The following CA8 variants were observed in gnomAD, a reference collection of about 807,000 sequenced individuals.
CA8 encodes carbonic anhydrase 8 (inactive).
Under a neutral mutation model 41.4 loss-of-function variants are expected in CA8, and 22 were observed. The observed-to-expected ratio is 0.53, with a 90% CI of 0.38 to 0.76. CA8 has a LOEUF of 0.76. Among genes scored for constraint, CA8 ranks in the 30% least tolerant of loss-of-function variants. CA8 has a pLI of 0.00. For missense variants in CA8, 270 were observed against 352.8 expected (o/e 0.77, Z 1.88); for synonymous variants, 121 against 130.6 (o/e 0.93, Z 0.50).
intron 8 of CA8, chr8:60,208,215 A>G (rs1472905237): frequency 6.3e-6 from 1 of 158,038 alleles, no homozygotes; most frequent in Non-Finnish European, 1.4e-5. Flanking sequence ...TATTCAGATA[A>G]TTAATAAGTG....
intron 8 of CA8, among the ~76,000 whole-genome samples, chr8:60,192,696 T>C (rs1036702820): frequency 6.6e-5 from 10 of 152,272 alleles, no homozygotes; most frequent in African/African-American, 2.4e-4. Flanking sequence ...ATATTATTTA[T>C]ATCAAAATTA....
chr8:60,232,389 T>G lies in CA8; in HGVS notation c.418-10A>C. On this transcript the variant is annotated splice_polypyrimidine_tract_variant and intron_variant, in intron 3 of 8. Coordinates refer to ENST00000317995, the MANE Select transcript of CA8 (RefSeq NM_004056.6). ...AGTGGATCAGATGGAGCTGAGTGAG[T>G]GGCAACAGACAGACCACATCATTTA... The G allele has an allele frequency of 1.3e-5, 20 of 1,582,864 alleles. No homozygotes were observed. Among genetic ancestry groups the G allele is most frequent in the Non-Finnish European group, 1.6e-5 (18 of 1,151,662 alleles).
chr8:60,224,890 T>C (rs1807374166), intron 5 of CA8, among the ~76,000 whole-genome samples: 1 of 152,112 alleles, frequency 6.6e-6, no homozygotes, highest in Admixed American at 6.5e-5. Flanking sequence ...AGCACATTCA[T>C]AACAGAGATT....
At chr8:60,266,558 C>T (rs1803907286) in intron 2 of CA8, among the ~76,000 whole-genome samples, 1 of 152,070 alleles carries the variant, frequency 6.6e-6, no homozygotes. Flanking sequence ...TTAAGTCAAT[C>T]AATAATGAAA....
chr8:60,274,726 A>G (rs910986033), intron 2 of CA8, among the ~76,000 whole-genome samples: 11 of 152,148 alleles, frequency 7.2e-5, no homozygotes, highest in African/African-American at 2.7e-4. Flanking sequence ...ACCAGACACC[A>G]AATCTGTCAG....
At chr8:60,224,401 T>A in intron 6 of CA8, 136 bp downstream of exon 6, 1 of 629,022 alleles carries the variant, frequency 1.6e-6, no homozygotes, top group Non-Finnish European at 2.8e-6. Context: ...AATCTGGAAA[T>A]GGTATCTGCT....
chr8:60,240,385 A>T lies in CA8; in HGVS notation c.418-8006T>A, dbSNP rs542386024. ...CCAATCAGCCTATAAGGTAGGCAGG[A>T]TTATCAGAAAACAGACATTAGAAGT... On this transcript the variant is annotated intron_variant, in intron 3 of 8. Transcript: ENST00000317995. 4.6e-5 allele frequency among the ~76,000 whole-genome samples: 7 copies of T among 152,360 alleles called. No individual in the cohort carries two copies. The South Asian group carries it at 1.4e-3, about 32-fold the overall frequency.
chr8:60,255,562 T>C (rs1808607125), intron 3 of CA8, among the ~76,000 whole-genome samples: 1 of 152,186 alleles, frequency 6.6e-6, no homozygotes, highest in South Asian at 2.1e-4. Flanking sequence ...AGTGATTCAT[T>C]AAGCTGAGTT....
chr8:60,187,268 C>T lies in CA8; in HGVS notation c.*2753G>A, dbSNP rs1032704777. 1 of 151,818 alleles carries T rather than the reference C, an allele frequency of 6.6e-6. No homozygotes were observed. The highest frequency in any genetic ancestry group is 2.4e-5 in the African/African-American group (1 of 41,372). 9.4% of individuals were successfully genotyped at this position (151,818 alleles called of 1,614,324 possible). ...TAAAAGGCAAAGTATTTTCTAATACCTTGAGATGAATGAAAACAAAAACAT... is the reference window on the plus strand; with the variant it reads ...TAAAAGGCAAAGTATTTTCTAATACTTTGAGATGAATGAAAACAAAAACAT... On this transcript the variant is annotated 3_prime_UTR_variant, in exon 9 of 9. Transcript: ENST00000317995.
chr8:60,276,421 G>A (rs1026945164), intron 2 of CA8, among the ~76,000 whole-genome samples: 13 of 152,114 alleles, frequency 8.5e-5, no homozygotes, highest in African/African-American at 2.4e-4. Flanking sequence ...GAGAAGATCC[G>A]TCATATGTTA....
Position 60,256,894 on chromosome 8 carries a change from AAAG to A in CA8, c.417+9028_417+9030del, listed in dbSNP as rs375783914. Among the ~76,000 whole-genome samples, 695 of 152,336 alleles carry A rather than the reference AAAG, an allele frequency of 4.6e-3. 4 individuals carry two copies. Among genetic ancestry groups the A allele is most frequent in the African/African-American group, 0.016 (655 of 41,582 alleles). On this transcript the variant is annotated intron_variant, in intron 3 of 8. Transcript: ENST00000317995. Reference sequence around the variant, plus strand: ...AAACAGGGAAGAAGTTTTAAAGAAAAAAGAAGACTTTACATTATTTTCTCCATT... The same window carrying A: ...AAACAGGGAAGAAGTTTTAAAGAAAAAAGACTTTACATTATTTTCTCCATT...
intron 7 of CA8, among the ~76,000 whole-genome samples, chr8:60,213,017 A>G (rs1806890506): frequency 6.6e-6 from 1 of 152,232 alleles, no homozygotes; most frequent in South Asian, 2.1e-4. Flanking sequence ...ATATATGTAT[A>G]CAGAGACAGA....
chr8:60,278,469 T>A (rs939561940), intron 2 of CA8, among the ~76,000 whole-genome samples: 5 of 152,224 alleles, frequency 3.3e-5, no homozygotes, highest in Non-Finnish European at 7.3e-5. Context: ...CACATGTACT[T>A]CTTTAAATTG....
chr8:60,242,877 G>A (rs2130526729), intron 3 of CA8, among the ~76,000 whole-genome samples: 1 of 152,360 alleles, frequency 6.6e-6, no homozygotes, highest in South Asian at 2.1e-4. Flanking sequence ...AGAAAACACA[G>A]TTATGGTCAC....
chr8:60,256,702 C>T (rs545202307), intron 3 of CA8, among the ~76,000 whole-genome samples: 78 of 152,210 alleles, frequency 5.1e-4, no homozygotes, highest in African/African-American at 1.8e-3. Flanking sequence ...CATAGTATTG[C>T]CCAATTATCT....
chr8:60,268,859 T>A (rs904735724), intron 2 of CA8, among the ~76,000 whole-genome samples: 1 of 152,126 alleles, frequency 6.6e-6, no homozygotes, highest in Non-Finnish European at 1.5e-5. Context: ...GTCATGACAG[T>A]CAATACAATT....
intron 2 of CA8, among the ~76,000 whole-genome samples, chr8:60,279,311 A>G (rs1473454072): frequency 1.3e-5 from 2 of 152,234 alleles, no homozygotes; most frequent in African/African-American, 4.8e-5. Flanking sequence ...TTGGTTTCAC[A>G]AAGTAGCAAA....
At chr8:60,276,703 T>C (rs373272679) in intron 2 of CA8, among the ~76,000 whole-genome samples, 1 of 152,318 alleles carries the variant, frequency 6.6e-6, no homozygotes, top group East Asian at 1.9e-4. Flanking sequence ...ACTCCACCAC[T>C]ATGCAATATA....
At chr8:60,276,619 G>A (rs1457150855) in intron 2 of CA8, among the ~76,000 whole-genome samples, 1 of 151,954 alleles carries the variant, frequency 6.6e-6, no homozygotes, top group Non-Finnish European at 1.5e-5. Flanking sequence ...TAGACTCCAG[G>A]GGAATGAGGC....
Sources: allele counts gnomAD v4.1 joint callset (sites outside exome capture counted in the v4.1 genomes callset), GRCh38; gene constraint gnomAD v4.1.1; transcripts MANE v1.5; gene names NCBI Gene and HGNC (gene_info 2026-07-23, HGNC 2026-07-21).